NAP1L1: variants seen among roughly 807,000 people sequenced by gnomAD.
The protein encoded by NAP1L1 is nucleosome assembly protein 1 like 1.
NAP1L1 carries 9 observed loss-of-function variants against 58.9 expected under a neutral mutation model. The ratio of observed to expected loss-of-function variants is 0.15; its 90% CI spans 0.09 to 0.27. The LOEUF is 0.27. Among genes scored for constraint, NAP1L1 ranks in the 10% least tolerant of loss-of-function variants. The pLI is 1.00. For missense variants in NAP1L1, 302 were observed against 458.8 expected (o/e 0.66, Z 3.12); for synonymous variants, 130 against 138.3 (o/e 0.94, Z 0.42).
chr12:76,069,101 T>C, intron 2 of NAP1L1, 107 bp from the exon 3 acceptor site: 2 of 774,102 alleles, frequency 2.6e-6, no homozygotes, highest in Admixed American at 2.4e-5. Context: ...TTCAAAGACA[T>C]GAAATAGGAA....
chr12:76,051,895 T>G (rs1437785224), intron 11 of NAP1L1, among the ~76,000 whole-genome samples: 1 of 151,878 alleles, frequency 6.6e-6, no homozygotes, highest in African/African-American at 2.4e-5. Flanking sequence ...GTGCCTGTAA[T>G]CCCAGCTACT....
chr12:76,060,285 A>G lies in NAP1L1; in HGVS notation c.207-6T>C. 6.2e-7 allele frequency: 1 copy of G among 1,613,270 alleles called. No individual in the cohort carries two copies. Among genetic ancestry groups the G allele is most frequent in the Non-Finnish European group, 8.5e-7 (1 of 1,179,646 alleles). Reference sequence around the variant, plus strand: ...TTTTAACTACCCTAGGCAGGCTGAAAGGTTAGAAATCAGTTATATAGCATC... The same window carrying G: ...TTTTAACTACCCTAGGCAGGCTGAAGGGTTAGAAATCAGTTATATAGCATC... On this transcript the variant is annotated splice_region_variant and splice_polypyrimidine_tract_variant and intron_variant, in intron 4 of 14. Transcript: ENST00000618691.
At chr12:76,067,502 G>T in intron 3 of NAP1L1, 29 bp from the exon 4 acceptor site, 3 of 1,530,948 alleles carry the variant, frequency 2.0e-6, no homozygotes, top group Non-Finnish European at 2.7e-6. Context: ...ATCGAAAGAA[G>T]GATTTTATGA....
intron 4 of NAP1L1, among the ~76,000 whole-genome samples, chr12:76,065,854 A>C (rs977850252): frequency 6.6e-6 from 1 of 151,994 alleles, no homozygotes; most frequent in African/African-American, 2.4e-5. Flanking sequence ...AGAAGTATGA[A>C]AGGATGCAAC....
At chr12:76,053,996 A>C in intron 8 of NAP1L1, 87 bp from the exon 9 acceptor site, 1 of 1,324,516 alleles carries the variant, frequency 7.5e-7, no homozygotes, top group Non-Finnish European at 1.0e-6. Context: ...TGTTTTTATA[A>C]ATATTCTAAA....
intron 4 of NAP1L1, among the ~76,000 whole-genome samples, chr12:76,067,103 G>A (rs1949714252): frequency 6.6e-6 from 1 of 152,040 alleles, no homozygotes; most frequent in African/African-American, 2.4e-5. Context: ...CTAATTCTGT[G>A]CATTTCTAAC....
At position 76,042,028 on chromosome 12, in the gene NAP1L1, A is replaced by C. The variant is rs1309831097; in HGVS notation, c.*6401T>G. 1 of 152,180 alleles carries C rather than the reference A, an allele frequency of 6.6e-6. No individual in the cohort carries two copies. The highest frequency in any genetic ancestry group is 1.5e-5 in the Non-Finnish European group (1 of 68,042). The allele number at this position is 152,180 out of a possible 1,614,324, so 9.4% of individuals were successfully genotyped here. ...GAAAGGAATGAGATGAGATTTTCAA[A>C]CCTAGCTCACTTTAGGTTAAGGTCA... is the stretch of plus-strand genomic sequence containing the variant. On this transcript the variant is annotated 3_prime_UTR_variant, in exon 15 of 15. Transcript: ENST00000618691.
chr12:76,061,528 G>A (rs1423580897), intron 4 of NAP1L1, among the ~76,000 whole-genome samples: 1 of 152,178 alleles, frequency 6.6e-6, no homozygotes, highest in African/African-American at 2.4e-5. Flanking sequence ...TCACTGATGG[G>A]CATTTAGGTT....
At chr12:76,054,243 T>C (rs1174318140) in intron 8 of NAP1L1, among the ~76,000 whole-genome samples, 1 of 151,566 alleles carries the variant, frequency 6.6e-6, no homozygotes, top group African/African-American at 2.4e-5. Context: ...TTGGACAGGC[T>C]GGTATTGACC....
Position 76,039,631 on chromosome 12 carries a change from T to G in NAP1L1, c.*8798A>C, listed in dbSNP as rs536993255. 1 of 152,336 alleles carries G rather than the reference T, an allele frequency of 6.6e-6. No individual in the cohort carries two copies. The highest frequency in any genetic ancestry group is 1.9e-4 in the East Asian group (1 of 5,186). The allele number at this position is 152,336 out of a possible 1,614,324, so 9.4% of individuals were successfully genotyped here. On this transcript the variant is annotated 3_prime_UTR_variant, in exon 15 of 15. Coordinates refer to ENST00000618691, the MANE Select transcript of NAP1L1 (RefSeq NM_004537.7). ...GAAAGCTCTAGCCTAAAGAACATGC[T>G]TATTTAACCACTAGTTGTGTGACAG...
At chr12:76,080,664 A>T (rs1480495574) in intron 1 of NAP1L1, among the ~76,000 whole-genome samples, 1 of 152,196 alleles carries the variant, frequency 6.6e-6, no homozygotes. Context: ...CTTCATGACC[A>T]TAACTGCTAT....
At chr12:76,052,498 A>C (rs905448613) in intron 11 of NAP1L1, among the ~76,000 whole-genome samples, 1 of 152,210 alleles carries the variant, frequency 6.6e-6, no homozygotes, top group Non-Finnish European at 1.5e-5. Flanking sequence ...AGTTTAGGTT[A>C]ATTTCTAATT....
rs1460319207 is a variant in NAP1L1 at position 76,048,104 on chromosome 12, A to T, written c.*325T>A. ...TGGTTCTTCAAGGAAAAAATTACAAAAAAAAAAAAAAGGTATTTCCTTTAA... is the reference window on the plus strand; with the variant it reads ...TGGTTCTTCAAGGAAAAAATTACAATAAAAAAAAAAAGGTATTTCCTTTAA... On this transcript the variant is annotated 3_prime_UTR_variant, in exon 15 of 15. Transcript: ENST00000618691. 4.2e-5 allele frequency: 12 copies of T among 284,018 alleles called. No individual in the cohort carries two copies. Among genetic ancestry groups the T allele is most frequent in the Non-Finnish European group, 7.8e-5 (12 of 153,918 alleles). 17.6% of individuals were successfully genotyped at this position (284,018 alleles called of 1,614,324 possible).
intron 2 of NAP1L1, among the ~76,000 whole-genome samples, chr12:76,071,882 G>A (rs1040736527): frequency 2.6e-5 from 4 of 151,238 alleles, no homozygotes; most frequent in African/African-American, 9.7e-5. Flanking sequence ...TAAATGTAGA[G>A]CCTCCTCTAC....
chr12:76,053,304 T>C lies in NAP1L1; in HGVS notation c.817A>G (p.Ile273Val). Residue 273 changes from isoleucine (I) to valine (V), a missense_variant, in exon 10 of 15, where the codon ATT becomes GTT. Physicochemically the swap from Ile to Val is conservative, Grantham distance 29. Coordinates refer to ENST00000618691, the MANE Select transcript of NAP1L1 (RefSeq NM_004537.7). ...KKGKNVTLKT[I>V]KKKQKHKGRG... is the part of the protein sequence containing the mutation. ...CCCTTGTGTTTCTGCTTCTTCTTAA[T>C]AGTTTTCAAAGTGACATTCTTTCCT... 1 of 1,614,028 alleles carries C rather than the reference T, an allele frequency of 6.2e-7. No individual in the cohort carries two copies. The highest frequency in any genetic ancestry group is 2.2e-5 in the East Asian group (1 of 44,846).
intron 1 of NAP1L1, among the ~76,000 whole-genome samples, chr12:76,082,843 A>C (rs756636450): frequency 1.3e-5 from 2 of 152,224 alleles, no homozygotes; most frequent in Non-Finnish European, 2.9e-5. Context: ...GTATTAATTT[A>C]AGCTGACCAA....
Position 76,042,547 on chromosome 12 carries a change from G to GC in NAP1L1, c.*5881dup, listed in dbSNP as rs1205878790. 6.6e-6 allele frequency: 1 copy of GC among 152,138 alleles called. No homozygotes were observed. Among genetic ancestry groups the GC allele is most frequent in the Non-Finnish European group, 1.5e-5 (1 of 68,022 alleles). 9.4% of individuals were successfully genotyped at this position (152,138 alleles called of 1,614,324 possible). A position where few individuals can be genotyped will look rare whatever the true frequency, so the allele number is the denominator to read the frequency against. ...ATTCATGGATTCTTATTCCTATAGAGCAACCTCATCTACTTTCCTAGTTGG... is the reference window on the plus strand; with the variant it reads ...ATTCATGGATTCTTATTCCTATAGAGCCAACCTCATCTACTTTCCTAGTTGG... On this transcript the variant is annotated 3_prime_UTR_variant, in exon 15 of 15. Coordinates refer to ENST00000618691, the MANE Select transcript of NAP1L1 (RefSeq NM_004537.7).
At position 76,040,844 on chromosome 12, in the gene NAP1L1, T is replaced by G. The variant is rs1948544679; in HGVS notation, c.*7585A>C. ...TCCCAAAGTGTTGGGATTACAGGCA[T>G]GAGCCACCACACCTGGCCATAATAT... On this transcript the variant is annotated 3_prime_UTR_variant, in exon 15 of 15. Transcript: ENST00000618691. The G allele has an allele frequency of 6.6e-6, 1 of 152,302 alleles. No homozygotes were observed. The highest frequency in any genetic ancestry group is 2.1e-4 in the South Asian group (1 of 4,836). 9.4% of individuals were successfully genotyped at this position (152,302 alleles called of 1,614,324 possible). A position where few individuals can be genotyped will look rare whatever the true frequency, so the allele number is the denominator to read the frequency against.
chr12:76,061,866 G>A (rs1465544696), intron 4 of NAP1L1, among the ~76,000 whole-genome samples: 1 of 152,190 alleles, frequency 6.6e-6, no homozygotes, highest in East Asian at 1.9e-4. Flanking sequence ...TGGTGAACTG[G>A]CATGGGCTTC....
Sources: gnomAD v4.1 joint callset for allele counts (sites outside exome capture counted in the v4.1 genomes callset) on GRCh38, gnomAD v4.1.1 for gene constraint, MANE v1.5 for transcripts, NCBI Gene and HGNC (gene_info 2026-07-23, HGNC 2026-07-21) for gene names.